Variants in SNX18 observed in about 807,000 individuals in gnomAD.
The protein encoded by SNX18 is sorting nexin 18, also known as sorting nexin-18.
In SNX18, 35 loss-of-function variants were observed where a neutral mutation model predicts 48.7. That is an observed-to-expected ratio of 0.72 (90% confidence interval 0.55 to 0.95). SNX18 has a LOEUF of 0.95. SNX18 is among the 40% of genes least tolerant of loss of function. The pLI is 0.00. For synonymous variants in SNX18, 492 were observed against 384.7 expected (o/e 1.28, Z -3.26); for missense variants, 824 against 871.0 (o/e 0.95, Z 0.68).
At chr5:54,577,124 A>G in the SNX18 span, among the ~76,000 whole-genome samples, 1 of 152,120 alleles carries the variant, frequency 6.6e-6, no homozygotes, top group Non-Finnish European at 1.5e-5. Flanking sequence ...GGTTGTTCTA[A>G]GTGAGGACTG....
intron 1 of SNX18, among the ~76,000 whole-genome samples, chr5:54,535,224 G>A (rs886655239): frequency 7.2e-5 from 11 of 152,268 alleles, no homozygotes; most frequent in Admixed American, 7.2e-4. Context: ...TTAGAACTGC[G>A]AGATGGCTTA....
chr5:54,550,365 T>C (rs929783768), downstream of SNX18, among the ~76,000 whole-genome samples: 2 of 152,176 alleles, frequency 1.3e-5, no homozygotes, highest in Non-Finnish European at 2.9e-5. Context: ...CTTTTAGGTA[T>C]TCATGCTGAC....
the SNX18 span, among the ~76,000 whole-genome samples, chr5:54,646,579 G>A: frequency 6.6e-6 from 1 of 152,146 alleles, no homozygotes; most frequent in East Asian, 1.9e-4. Flanking sequence ...CTAACCAGAA[G>A]GTATTGCCAA....
the SNX18 span, among the ~76,000 whole-genome samples, chr5:54,588,612 C>A: frequency 6.6e-6 from 1 of 152,134 alleles, no homozygotes; most frequent in Admixed American, 6.5e-5. Flanking sequence ...CAGGCGTGAG[C>A]CACCGCACCC....
At chr5:54,613,270 CAG>C in the SNX18 span, among the ~76,000 whole-genome samples, 1 of 151,840 alleles carries the variant, frequency 6.6e-6, no homozygotes. Context: ...TTTATAAGAA[CAG>C]AGATTTATTT....
At chr5:54,592,349 T>C in the SNX18 span, among the ~76,000 whole-genome samples, 4 of 152,192 alleles carry the variant, frequency 2.6e-5, no homozygotes, top group Non-Finnish European at 5.9e-5. Context: ...GTGCCAGGAA[T>C]TCTTCTAGAA....
the SNX18 span, among the ~76,000 whole-genome samples, chr5:54,623,716 G>A: frequency 6.6e-6 from 1 of 152,156 alleles, no homozygotes; most frequent in Non-Finnish European, 1.5e-5. Flanking sequence ...AAAATGCATG[G>A]GGTGCATGGG....
the SNX18 span, among the ~76,000 whole-genome samples, chr5:54,599,144 G>C: frequency 6.6e-6 from 1 of 152,282 alleles, no homozygotes; most frequent in African/African-American, 2.4e-5. Context: ...GCTACAAAGA[G>C]AATTGTATCT....
At chr5:54,538,307 A>T (rs1462800308) in intron 1 of SNX18, among the ~76,000 whole-genome samples, 1 of 152,204 alleles carries the variant, frequency 6.6e-6, no homozygotes, top group Non-Finnish European at 1.5e-5. Flanking sequence ...AGAGCTTAGG[A>T]GCTCAGTGGG....
chr5:54,629,912 A>G, the SNX18 span, among the ~76,000 whole-genome samples: 1 of 152,236 alleles, frequency 6.6e-6, no homozygotes, highest in Admixed American at 6.5e-5. Flanking sequence ...CCACCCTTGC[A>G]TTATAGGAGG....
At chr5:54,593,981 G>A in the SNX18 span, among the ~76,000 whole-genome samples, 1 of 152,156 alleles carries the variant, frequency 6.6e-6, no homozygotes, top group Non-Finnish European at 1.5e-5. Flanking sequence ...ATTTCCTAGA[G>A]AGGCAACAGA....
At chr5:54,529,287 G>A (rs1390146875) in intron 1 of SNX18, among the ~76,000 whole-genome samples, 1 of 152,168 alleles carries the variant, frequency 6.6e-6, no homozygotes, top group Non-Finnish European at 1.5e-5. Context: ...GAGTCTCTGG[G>A]TCACCAATAG....
the SNX18 span, among the ~76,000 whole-genome samples, chr5:54,588,306 C>CTTTTTTTTTTTTTTTTTTT: frequency 3.5e-4 from 26 of 73,914 alleles, 3 homozygotes; most frequent in East Asian, 8.0e-4. Flanking sequence ...TATTTCTATT[C>CTTTTTTTTTTTTTTTTTTT]TTTTTTTTTT....
the SNX18 span, among the ~76,000 whole-genome samples, chr5:54,602,622 G>C: frequency 6.6e-6 from 1 of 152,142 alleles, no homozygotes; most frequent in African/African-American, 2.4e-5. Context: ...CAGAGCGGGA[G>C]TGAAAGTCTA....
the SNX18 span, among the ~76,000 whole-genome samples, chr5:54,622,633 A>C: frequency 6.7e-6 from 1 of 148,256 alleles, no homozygotes; most frequent in Non-Finnish European, 1.5e-5. Context: ...TATATATATT[A>C]AATAAATATA....
the SNX18 span, among the ~76,000 whole-genome samples, chr5:54,596,416 C>A: frequency 6.6e-6 from 1 of 152,130 alleles, no homozygotes; most frequent in Non-Finnish European, 1.5e-5. Flanking sequence ...TTTAAAAAGG[C>A]CTTCATCTAC....
At chr5:54,548,727 G>A (rs1762611417), downstream of SNX18, among the ~76,000 whole-genome samples, 1 of 152,174 alleles carries the variant, frequency 6.6e-6, no homozygotes, top group South Asian at 2.1e-4. Context: ...CTTAATAAAT[G>A]TTCTATTCCT....
the SNX18 span, among the ~76,000 whole-genome samples, chr5:54,556,768 G>C: frequency 6.6e-5 from 10 of 152,172 alleles, no homozygotes; most frequent in East Asian, 1.9e-3. Context: ...AGGATTGGGG[G>C]GTATGCACAA....
chr5:54,570,971 G>T, the SNX18 span, among the ~76,000 whole-genome samples: 3 of 152,176 alleles, frequency 2.0e-5, no homozygotes, highest in Non-Finnish European at 4.4e-5. Flanking sequence ...AAGAAGTATT[G>T]AACACTCAAG....
Sources: allele counts gnomAD v4.1 joint callset (sites outside exome capture counted in the v4.1 genomes callset), GRCh38; gene constraint gnomAD v4.1.1; transcripts MANE v1.5; gene names NCBI Gene and HGNC (gene_info 2026-07-23, HGNC 2026-07-21).